The following RERE variants were observed in gnomAD, a reference collection of about 807,000 sequenced individuals.
RERE encodes arginine-glutamic acid dipeptide repeats, also known as arginine-glutamic acid dipeptide repeats protein.
A neutral mutation model predicts 146.1 loss-of-function variants in RERE; 40 were observed. The observed-to-expected ratio is 0.27, with a 90% CI of 0.21 to 0.36. The LOEUF is 0.36. Among genes scored for constraint, RERE ranks in the 10% least tolerant of loss-of-function variants. The pLI, the probability that RERE is intolerant of heterozygous loss-of-function variation, is 1.00. For missense variants in RERE, 1,933 were observed against 2,138.7 expected (o/e 0.90, Z 1.90); for synonymous variants, 1,003 against 866.0 (o/e 1.16, Z -2.78).
chr1:8,812,685 C>A (rs954515095), intron 1 of RERE, among the ~76,000 whole-genome samples: 1 of 151,970 alleles, frequency 6.6e-6, no homozygotes, highest in Admixed American at 6.6e-5. Flanking sequence ...TGGCACAGAC[C>A]ACTTTACCAA....
chr1:8,448,629 T>C (rs1287651134), intron 11 of RERE, among the ~76,000 whole-genome samples: 2 of 151,968 alleles, frequency 1.3e-5, no homozygotes, highest in Non-Finnish European at 2.9e-5. Flanking sequence ...TGGTGGCTAA[T>C]AGGAAACGTC....
intron 1 of RERE, among the ~76,000 whole-genome samples, chr1:8,727,908 G>T (rs1640003435): frequency 6.6e-6 from 1 of 152,210 alleles, no homozygotes; most frequent in Non-Finnish European, 1.5e-5. Flanking sequence ...AAACTGCAAA[G>T]ACTTCTAAAA....
chr1:8,373,686 CTG>C, intron 12 of RERE, among the ~76,000 whole-genome samples: 1 of 152,198 alleles, frequency 6.6e-6, no homozygotes, highest in Non-Finnish European at 1.5e-5. Flanking sequence ...TCCAACGCTG[CTG>C]CCGAGTGCAG....
intron 4 of RERE, among the ~76,000 whole-genome samples, chr1:8,597,234 G>C (rs1244783675): frequency 6.6e-6 from 1 of 152,010 alleles, no homozygotes; most frequent in Admixed American, 6.6e-5. Context: ...GACTAGAGGT[G>C]TGTGCCACCA....
chr1:8,657,831 A>C (rs1403866410), intron 1 of RERE, among the ~76,000 whole-genome samples: 1 of 152,116 alleles, frequency 6.6e-6, no homozygotes, highest in Non-Finnish European at 1.5e-5. Context: ...TGGGCAAAAG[A>C]CTCCATCTCA....
Position 8,360,662 on chromosome 1 carries a change from G to A in RERE, c.2845C>T (p.Pro949Ser), listed in dbSNP as rs866112189. The stretch of plus-strand genomic sequence containing the variant: ...AAGGGTGAGGGCCCCGAGAGGTGGG[G>A]AGGGTGCTTGTGGGCCTGTGGCGCC... ...LPAPQAHKHP[P>S]HLSGPSPFSM... is the part of the protein sequence containing the mutation. The change falls in exon 18 of 23, where the codon CCC becomes TCC. Residue 949 changes from proline to serine, a missense_variant. Physicochemically the swap from Pro to Ser is moderately conservative, Grantham distance 74. Transcript: ENST00000400908. The A allele has an allele frequency of 1.3e-6, 2 of 1,539,994 alleles. No individual in the cohort carries two copies. The highest frequency in any genetic ancestry group is 1.3e-5 in the South Asian group (1 of 79,872).
chr1:8,671,144 T>C (rs111706156), intron 1 of RERE, among the ~76,000 whole-genome samples: 1 of 152,206 alleles, frequency 6.6e-6, no homozygotes, highest in African/African-American at 2.4e-5. Context: ...GAGTCCTCAG[T>C]GCACAAGTAC....
chr1:8,621,349 T>G (rs925549184), intron 3 of RERE, among the ~76,000 whole-genome samples: 2 of 152,176 alleles, frequency 1.3e-5, no homozygotes, highest in Non-Finnish European at 2.9e-5. Flanking sequence ...TCATGAAATG[T>G]GACCCAAGGC....
intron 7 of RERE, among the ~76,000 whole-genome samples, chr1:8,517,729 A>G (rs1645439188): frequency 3.3e-5 from 5 of 152,218 alleles, no homozygotes; most frequent in Admixed American, 3.3e-4. Flanking sequence ...CCCCAGTGTA[A>G]CAAAGCAGTA....
chr1:8,720,294 A>T (rs555121040), intron 1 of RERE, among the ~76,000 whole-genome samples: 13 of 151,876 alleles, frequency 8.6e-5, no homozygotes, highest in African/African-American at 3.1e-4. Flanking sequence ...CAGCACAAGC[A>T]CTTAGAATAC....
intron 1 of RERE, among the ~76,000 whole-genome samples, chr1:8,809,717 CAGAATACATCTAATTTTA>C (rs1386474763): frequency 6.6e-6 from 1 of 152,130 alleles, no homozygotes; most frequent in Non-Finnish European, 1.5e-5. Context: ...AAATGTTTTT[CAGAATACATCTAATTTTA>C]AGTGTGAACA....
At chr1:8,763,948 A>T (rs941846485) in intron 1 of RERE, among the ~76,000 whole-genome samples, 4 of 152,242 alleles carry the variant, frequency 2.6e-5, no homozygotes, top group African/African-American at 9.6e-5. Flanking sequence ...TAAAAAAAAA[A>T]AAAAAAAGTC....
chr1:8,785,083 C>T (rs918556352), intron 1 of RERE, among the ~76,000 whole-genome samples: 3 of 152,138 alleles, frequency 2.0e-5, no homozygotes, highest in Non-Finnish European at 4.4e-5. Context: ...CAAATCATAA[C>T]CTGTCTAGCA....
At chr1:8,617,477 TTAATG>T (rs1054674040) in intron 3 of RERE, among the ~76,000 whole-genome samples, 2 of 152,158 alleles carry the variant, frequency 1.3e-5, no homozygotes, top group Non-Finnish European at 2.9e-5. Context: ...ATAACGAACT[TTAATG>T]TAAAGTTTTT....
At chr1:8,760,991 G>A (rs554501450) in intron 1 of RERE, among the ~76,000 whole-genome samples, 2 of 152,232 alleles carry the variant, frequency 1.3e-5, no homozygotes, top group South Asian at 2.1e-4. Flanking sequence ...CAAGGAAATG[G>A]AGGCACAAAG....
At chr1:8,697,790 CA>C (rs1338998760) in intron 1 of RERE, among the ~76,000 whole-genome samples, 1 of 152,068 alleles carries the variant, frequency 6.6e-6, no homozygotes, top group African/African-American at 2.4e-5. Context: ...AGCAAATGAA[CA>C]GTAGTGTCTG....
chr1:8,547,095 A>AC (rs1273002342), intron 6 of RERE, among the ~76,000 whole-genome samples: 2 of 151,756 alleles, frequency 1.3e-5, no homozygotes, highest in East Asian at 1.9e-4. Flanking sequence ...TTTAAAAAAA[A>AC]AAAAACAAAA....
At chr1:8,508,769 A>T in intron 7 of RERE, 94 bp from the exon 8 acceptor site, 1 of 1,017,498 alleles carries the variant, frequency 9.8e-7, no homozygotes, top group Non-Finnish European at 1.5e-6. Flanking sequence ...CTTCAAATAA[A>T]TGAGGAAAAA....
chr1:8,756,035 C>G (rs1293301102), intron 1 of RERE, among the ~76,000 whole-genome samples: 1 of 152,178 alleles, frequency 6.6e-6, no homozygotes, highest in East Asian at 1.9e-4. Flanking sequence ...GTGGCTATAG[C>G]TGTAATCCCA....
Sources: gnomAD v4.1 joint callset for allele counts (sites outside exome capture counted in the v4.1 genomes callset) on GRCh38, gnomAD v4.1.1 for gene constraint, MANE v1.5 for transcripts, NCBI Gene and HGNC (gene_info 2026-07-23, HGNC 2026-07-21) for gene names.